MYRIP: variants seen among roughly 807,000 people sequenced by gnomAD.
MYRIP encodes the protein rab effector MyRIP.
A neutral mutation model predicts 98.0 loss-of-function variants in MYRIP; 49 were observed. That is an observed-to-expected ratio of 0.50 (90% CI 0.40 to 0.63). The LOEUF is 0.63. Ranked by LOEUF, MYRIP falls within the 30% of genes least tolerant of loss-of-function variation. The pLI, the probability that MYRIP is intolerant of heterozygous loss-of-function variation, is 0.00. For synonymous variants in MYRIP, 404 were observed against 409.5 expected (o/e 0.99, Z 0.16); for missense variants, 1,004 against 1,058.2 (o/e 0.95, Z 0.71).
intron 1 of MYRIP, among the ~76,000 whole-genome samples, chr3:39,893,674 T>TCACACACACA (rs66667492): frequency 1.5e-4 from 22 of 147,178 alleles, no homozygotes; most frequent in African/African-American, 4.5e-4. Context: ...TAAGTGGAAA[T>TCACACACACA]CACACACACA....
chr3:40,151,231 G>GT (rs780931072), intron 4 of MYRIP, 47 bp downstream of exon 4: 6 of 1,545,716 alleles, frequency 3.9e-6, no homozygotes, highest in East Asian at 4.7e-5. Context: ...GGGCTGGTGG[G>GT]TAGAAGGCCT....
At chr3:40,125,925 G>A (rs943973571) in intron 3 of MYRIP, among the ~76,000 whole-genome samples, 1 of 152,134 alleles carries the variant, frequency 6.6e-6, no homozygotes, top group Non-Finnish European at 1.5e-5. Context: ...ATACTCAGGG[G>A]TCCCAGCGTG....
chr3:39,951,416 A>G (rs1257864071), intron 2 of MYRIP, among the ~76,000 whole-genome samples: 1 of 152,096 alleles, frequency 6.6e-6, no homozygotes, highest in Admixed American at 6.6e-5. Flanking sequence ...TGCATTCAGA[A>G]TAGAGAAGCG....
rs564825988 is a variant in MYRIP at position 40,102,698 on chromosome 3, G to A, written c.333-48350G>A. ...GATGTGATTTCTCTGTAGCAGCCGG[G>A]AGTGTCACCTCTGGCATCTCAGAGT... is the stretch of plus-strand genomic sequence containing the variant. On this transcript the variant is annotated intron_variant, in intron 3 of 16. Transcript: ENST00000302541. Among the ~76,000 whole-genome samples, 7 of 152,110 alleles carry A rather than the reference G, an allele frequency of 4.6e-5. No individual in the cohort carries two copies. The East Asian group carries it at 1.4e-3, about 30-fold the overall frequency.
At chr3:39,922,952 A>G (rs925647134) in intron 2 of MYRIP, among the ~76,000 whole-genome samples, 1 of 142,104 alleles carries the variant, frequency 7.0e-6, no homozygotes, top group African/African-American at 2.7e-5. Flanking sequence ...GAGCAATTTC[A>G]AACATACTAG....
At chr3:40,000,402 A>G (rs1392780457) in intron 2 of MYRIP, among the ~76,000 whole-genome samples, 1 of 151,892 alleles carries the variant, frequency 6.6e-6, no homozygotes, top group African/African-American at 2.4e-5. Context: ...AACAGCATCT[A>G]CTCTCCCCAG....
intron 1 of MYRIP, among the ~76,000 whole-genome samples, chr3:39,895,916 G>T (rs543948883): frequency 1.0e-4 from 15 of 150,036 alleles, no homozygotes; most frequent in Non-Finnish European, 1.8e-4. Context: ...GTGTGTGTGT[G>T]GTGTGTGTGT....
intron 2 of MYRIP, among the ~76,000 whole-genome samples, chr3:39,956,342 T>C (rs1180396165): frequency 6.6e-6 from 1 of 152,148 alleles, no homozygotes; most frequent in African/African-American, 2.4e-5. Flanking sequence ...CAGACCACAG[T>C]GCAATAAAAC....
intron 10 of MYRIP, among the ~76,000 whole-genome samples, chr3:40,198,862 G>GGT (rs1368956690): frequency 6.6e-6 from 1 of 152,038 alleles, no homozygotes; most frequent in African/African-American, 2.4e-5. Flanking sequence ...TTATTTAATA[G>GGT]GTGTATGCCT....
At chr3:39,895,911 T>C (rs1375688033) in intron 1 of MYRIP, among the ~76,000 whole-genome samples, 1 of 107,810 alleles carries the variant, frequency 9.3e-6, no homozygotes, top group Non-Finnish European at 1.8e-5. Context: ...CGTGTGTGTG[T>C]GTGTGGTGTG....
chr3:39,841,617 G>T (rs1484625868), intron 1 of MYRIP, among the ~76,000 whole-genome samples: 3 of 152,096 alleles, frequency 2.0e-5, no homozygotes, highest in Non-Finnish European at 2.9e-5. Flanking sequence ...TTTTATATTG[G>T]TGACCTTCGG....
At chr3:40,192,644 T>C (rs1206644577) in intron 10 of MYRIP, among the ~76,000 whole-genome samples, 1 of 152,060 alleles carries the variant, frequency 6.6e-6, no homozygotes, top group Non-Finnish European at 1.5e-5. Context: ...GATAGAGGTG[T>C]CACCGAGGTG....
chr3:40,156,720 G>C (rs1307015802), intron 4 of MYRIP, among the ~76,000 whole-genome samples: 2 of 151,632 alleles, frequency 1.3e-5, no homozygotes, highest in Non-Finnish European at 2.9e-5. Context: ...TCCCTTGTAA[G>C]TTGGATTCCT....
chr3:39,961,520 GA>G (rs1045621827), intron 2 of MYRIP, among the ~76,000 whole-genome samples: 75 of 152,182 alleles, frequency 4.9e-4, no homozygotes, highest in Middle Eastern at 3.4e-3. Flanking sequence ...CATGTTCTGG[GA>G]GTTCAACCAG....
At chr3:40,065,342 C>T (rs1335427059) in intron 3 of MYRIP, among the ~76,000 whole-genome samples, 2 of 152,148 alleles carry the variant, frequency 1.3e-5, no homozygotes, top group Non-Finnish European at 2.9e-5. Context: ...TCTTCAATGA[C>T]CCTATTTCCA....
intron 2 of MYRIP, among the ~76,000 whole-genome samples, chr3:39,984,688 T>C (rs961038155): frequency 3.3e-5 from 5 of 152,078 alleles, no homozygotes; most frequent in African/African-American, 7.3e-5. Flanking sequence ...AATAAACATA[T>C]GTGTGCATGT....
At chr3:40,226,238 C>A (rs1358536568) in intron 11 of MYRIP, among the ~76,000 whole-genome samples, 1 of 152,146 alleles carries the variant, frequency 6.6e-6, no homozygotes, top group Non-Finnish European at 1.5e-5. Context: ...TTATATTTTT[C>A]TTTATTTCAA....
intron 3 of MYRIP, among the ~76,000 whole-genome samples, chr3:40,120,163 C>A (rs1949371207): frequency 6.6e-6 from 1 of 152,086 alleles, no homozygotes; most frequent in Non-Finnish European, 1.5e-5. Context: ...TTCTTGTGAA[C>A]AAATGGTGAA....
intron 1 of MYRIP, among the ~76,000 whole-genome samples, chr3:39,847,875 A>G (rs75211330): frequency 8.4e-4 from 127 of 151,550 alleles, no homozygotes; most frequent in African/African-American, 2.8e-3. Context: ...CCTGAATCCC[A>G]GTCTTTCTCT....
Sources: gnomAD v4.1 joint callset for allele counts (sites outside exome capture counted in the v4.1 genomes callset) on GRCh38, gnomAD v4.1.1 for gene constraint, MANE v1.5 for transcripts, NCBI Gene and HGNC (gene_info 2026-07-23, HGNC 2026-07-21) for gene names.